CFDP1: variants seen among roughly 807,000 people sequenced by gnomAD.
CFDP1 encodes the protein heterochromatin-stabilizing protein CFDP1.
Under a neutral mutation model 40.1 loss-of-function variants are expected in CFDP1, and 31 were observed. That is an observed-to-expected ratio of 0.77 (90% CI 0.58 to 1.04). The LOEUF (loss-of-function observed/expected upper bound fraction) is 1.04, where lower values mean the gene tolerates loss of function less well. CFDP1 is among the 50% of genes least tolerant of loss of function. The pLI is 0.00. For synonymous variants in CFDP1, 167 were observed against 120.0 expected (o/e 1.39, Z -2.56); for missense variants, 423 against 343.4 (o/e 1.23, Z -1.83).
intron 6 of CFDP1, among the ~76,000 whole-genome samples, chr16:75,297,195 T>TGTGTGTGTGTG (rs1491320265): frequency 1.4e-3 from 211 of 149,972 alleles, no homozygotes; most frequent in East Asian, 2.3e-3. Flanking sequence ...TGTGTGTGTG[T>TGTGTGTGTGTG]TTTTAGTAGA....
chr16:75,371,023 G>A (rs2078747570), intron 5 of CFDP1, among the ~76,000 whole-genome samples: 1 of 152,278 alleles, frequency 6.6e-6, no homozygotes, highest in East Asian at 1.9e-4. Context: ...ACTGTGCCAA[G>A]TGCAGAAAAA....
intron 5 of CFDP1, among the ~76,000 whole-genome samples, chr16:75,323,596 C>T (rs2078381429): frequency 6.6e-6 from 1 of 152,070 alleles, no homozygotes; most frequent in South Asian, 2.1e-4. Context: ...GCCTGACTAA[C>T]ATGGTGAAAC....
At chr16:75,415,009 G>A (rs1264163041) in intron 1 of CFDP1, among the ~76,000 whole-genome samples, 2 of 152,104 alleles carry the variant, frequency 1.3e-5, no homozygotes, top group Non-Finnish European at 2.9e-5. Flanking sequence ...TGTTCATTGT[G>A]ACTTTTAAGT....
rs933110726 is a variant in CFDP1 at position 75,359,410 on chromosome 16, T to A, written c.650+35680A>T. On this transcript the variant is annotated intron_variant, in intron 5 of 6. Coordinates refer to ENST00000283882, the MANE Select transcript of CFDP1 (RefSeq NM_006324.3). ...ACAGAGAATAATTCACACCACTGGT[T>A]CCAAAATAGCAAAGCTCTGCAGAGG... Among the ~76,000 whole-genome samples, 3 of 152,244 alleles carry A rather than the reference T, an allele frequency of 2.0e-5. No homozygotes were observed. In the East Asian group the frequency reaches 5.8e-4, roughly 29 times the overall value.
chr16:75,304,435 T>A (rs148954777), intron 6 of CFDP1, among the ~76,000 whole-genome samples: 1 of 152,330 alleles, frequency 6.6e-6, no homozygotes, highest in Non-Finnish European at 1.5e-5. Context: ...GGACCCTTTT[T>A]ACAACTGAAT....
intron 5 of CFDP1, among the ~76,000 whole-genome samples, chr16:75,328,952 T>G (rs2151513950): frequency 6.6e-6 from 1 of 151,842 alleles, no homozygotes; most frequent in South Asian, 2.1e-4. Context: ...GTTCATGAGA[T>G]TCTCCTGCCT....
chr16:75,411,232 C>G (rs575956623), intron 4 of CFDP1, among the ~76,000 whole-genome samples: 10 of 151,630 alleles, frequency 6.6e-5, no homozygotes, highest in African/African-American at 2.2e-4. Context: ...AAAACAAAAA[C>G]AAAACAAAAA....
chr16:75,429,453 A>G (rs569372860), intron 1 of CFDP1, among the ~76,000 whole-genome samples: 57 of 152,308 alleles, frequency 3.7e-4, no homozygotes, highest in African/African-American at 1.3e-3. Context: ...CAGGAGTTCA[A>G]TATCAGCCTG....
At chr16:75,387,374 C>T (rs2151555779) in intron 5 of CFDP1, among the ~76,000 whole-genome samples, 2 of 152,288 alleles carry the variant, frequency 1.3e-5, no homozygotes, top group Middle Eastern at 6.8e-3. Flanking sequence ...ATCTCCTGAC[C>T]TCGTGATCCA....
At chr16:75,348,930 G>C (rs947793972) in intron 5 of CFDP1, among the ~76,000 whole-genome samples, 4 of 152,098 alleles carry the variant, frequency 2.6e-5, no homozygotes, top group African/African-American at 7.2e-5. Context: ...ATAGTGGTAC[G>C]ATCACAGCTC....
intron 5 of CFDP1, among the ~76,000 whole-genome samples, chr16:75,390,580 T>C (rs549104936): frequency 1.2e-4 from 18 of 152,276 alleles, no homozygotes; most frequent in Admixed American, 2.0e-4. Context: ...AGAGATAGTC[T>C]TGAGACCCAC....
At chr16:75,362,265 A>G (rs1231647513) in intron 5 of CFDP1, among the ~76,000 whole-genome samples, 2 of 152,190 alleles carry the variant, frequency 1.3e-5, no homozygotes, top group Admixed American at 6.5e-5. Flanking sequence ...CCTATGGCCT[A>G]TGGTGTAGCA....
intron 5 of CFDP1, among the ~76,000 whole-genome samples, chr16:75,328,494 G>T (rs1311879728): frequency 6.8e-6 from 1 of 147,876 alleles, no homozygotes; most frequent in Non-Finnish European, 1.5e-5. Context: ...GCTACTTCGG[G>T]AGGCTGAAGC....
intron 4 of CFDP1, among the ~76,000 whole-genome samples, chr16:75,408,686 G>C (rs1462206703): frequency 1.3e-5 from 2 of 151,718 alleles, no homozygotes; most frequent in African/African-American, 4.8e-5. Flanking sequence ...TGAGGCAGGA[G>C]AATCACTTGA....
Position 75,300,656 on chromosome 16 carries a change from T to G in CFDP1, c.809+4368A>C, listed in dbSNP as rs563676620. ...TTCTAAGAATTCTGAGGAATGAAGG[T>G]TCTGTTTATGGAGGGAAAGCAAGTA... is the stretch of plus-strand genomic sequence containing the variant. On this transcript the variant is annotated intron_variant, in intron 6 of 6. Transcript: ENST00000283882. Among the ~76,000 whole-genome samples, 9 of 152,270 alleles carry G rather than the reference T, an allele frequency of 5.9e-5. No individual in the cohort carries two copies. In the South Asian group the frequency reaches 1.9e-3, roughly 32 times the overall value.
chr16:75,373,356 G>C (rs1005953674), intron 5 of CFDP1, among the ~76,000 whole-genome samples: 1 of 152,124 alleles, frequency 6.6e-6, no homozygotes, highest in Non-Finnish European at 1.5e-5. Flanking sequence ...CCCACAAAAT[G>C]ACTGGCCTTA....
chr16:75,389,761 C>G (rs1323990053), intron 5 of CFDP1, among the ~76,000 whole-genome samples: 3 of 152,196 alleles, frequency 2.0e-5, no homozygotes, highest in African/African-American at 4.8e-5. Context: ...AAAAGACTTT[C>G]TATACTCTGC....
At chr16:75,320,269 T>C (rs914982918) in intron 5 of CFDP1, among the ~76,000 whole-genome samples, 1 of 152,144 alleles carries the variant, frequency 6.6e-6, no homozygotes, top group African/African-American at 2.4e-5. Flanking sequence ...CCTCGGAGCA[T>C]GCGCTTTTAT....
At chr16:75,341,917 T>G (rs1475049273) in intron 5 of CFDP1, among the ~76,000 whole-genome samples, 1 of 152,208 alleles carries the variant, frequency 6.6e-6, no homozygotes, top group Non-Finnish European at 1.5e-5. Context: ...TCTGTTCTGG[T>G]CCTTTGCCTC....
Sources: allele counts gnomAD v4.1 joint callset (sites outside exome capture counted in the v4.1 genomes callset), GRCh38; gene constraint gnomAD v4.1.1; transcripts MANE v1.5; gene names NCBI Gene and HGNC (gene_info 2026-07-23, HGNC 2026-07-21).